USP34: variants seen among roughly 807,000 people sequenced by gnomAD.
USP34 encodes ubiquitin specific peptidase 34.
In USP34, 70 loss-of-function variants were observed where a neutral mutation model predicts 460.3. The ratio of observed to expected loss-of-function variants is 0.15; its 90% confidence interval spans 0.13 to 0.19. USP34 has a LOEUF of 0.19. Ranked by LOEUF, USP34 falls within the 10% of genes least tolerant of loss-of-function variation. The pLI is 1.00. For missense variants in USP34, 3,985 were observed against 4,236.2 expected (o/e 0.94, Z 1.65); for synonymous variants, 1,647 against 1,405.3 (o/e 1.17, Z -3.85).
chr2:61,223,378 T>G (rs1054115672), intron 62 of USP34, 82 bp from the exon 63 acceptor site: 2 of 1,345,714 alleles, frequency 1.5e-6, no homozygotes, highest in Non-Finnish European at 2.1e-6. Flanking sequence ...TCAAAAATTG[T>G]TGATTCAATT....
At chr2:61,367,330 A>G (rs1040891448) in intron 10 of USP34, among the ~76,000 whole-genome samples, 7 of 129,020 alleles carry the variant, frequency 5.4e-5, no homozygotes, top group East Asian at 2.2e-4. Context: ...ACGCGCGCGC[A>G]CACACACAAA....
At position 61,319,538 on chromosome 2, in the gene USP34, T is replaced by TA. The variant is rs11361640; in HGVS notation, c.3014-212dup. Among the ~76,000 whole-genome samples, 691 of 146,654 alleles carry TA rather than the reference T, an allele frequency of 4.7e-3. 3 individuals are homozygous for TA. The highest frequency in any genetic ancestry group is 0.037 in the East Asian group (187 of 5,062). On this transcript the variant is annotated intron_variant, in intron 21 of 79. Coordinates refer to ENST00000398571, the MANE Select transcript of USP34 (RefSeq NM_014709.4). ...TATGTTCCTACAGCATATTTATGAT[T>TA]AAAAAAAAAAAAAAGAATCACAGCA...
intron 1 of USP34, among the ~76,000 whole-genome samples, chr2:61,457,733 C>G (rs533893695): frequency 5.3e-5 from 8 of 152,172 alleles, no homozygotes; most frequent in African/African-American, 1.9e-4. Context: ...TCATCATGAG[C>G]ACCTGTAGTC....
chr2:61,220,201 A>G, intron 67 of USP34, 109 bp downstream of exon 67: 1 of 694,362 alleles, frequency 1.4e-6, no homozygotes. Context: ...CATCTCCAAG[A>G]ATTTCGTAGT....
intron 3 of USP34, among the ~76,000 whole-genome samples, chr2:61,396,119 AGTG>A (rs1342095005): frequency 6.6e-6 from 1 of 152,174 alleles, no homozygotes; most frequent in Non-Finnish European, 1.5e-5. Context: ...ATGATAGTTA[AGTG>A]GTTTTTGTTT....
chr2:61,194,311 G>GTT (rs1480567202), intron 75 of USP34: 2 of 985,144 alleles, frequency 2.0e-6, no homozygotes, highest in South Asian at 4.7e-5. Context: ...ACCCACCACG[G>GTT]TATCACCACA....
chr2:61,413,934 A>C (rs1694121962), intron 2 of USP34, among the ~76,000 whole-genome samples: 2 of 147,478 alleles, frequency 1.4e-5, no homozygotes, highest in Admixed American at 1.4e-4. Context: ...AGTCTCAAAA[A>C]AATTAAAAAA....
rs752937159 is a variant in USP34, at chr2:61,190,380, G to T, written c.9764C>A (p.Ala3255Asp). The T allele has an allele frequency of 4.3e-6, 7 of 1,611,406 alleles. No homozygotes were observed. In the South Asian group the frequency reaches 7.8e-5, roughly 18 times the overall value. Reference protein sequence around the residue: ...QSQVFSEANCANLISTLITNL... With the variant: ...QSQVFSEANCDNLISTLITNL... ...TGTAATAAGAGTGCTGATCAAATTG[G>T]CACAGTTTGCTTCAGAAAACACTTG... Residue 3255 changes from alanine to aspartate, a missense_variant, in exon 78 of 80, where the codon GCC (alanine) becomes GAC (aspartate). By Grantham distance (126) the Ala-to-Asp change is moderately radical. Coordinates refer to ENST00000398571, the MANE Select transcript of USP34 (RefSeq NM_014709.4).
At position 61,300,819 on chromosome 2, in the gene USP34, T is replaced by A. The variant is rs1158322409; in HGVS notation, c.4128+132A>T. ...TCAAAAAAAGAAAACAAAAAAAAAATGAACAAAAAAAAAAAAGGAGAGAAA... is the reference window on the plus strand; with the variant it reads ...TCAAAAAAAGAAAACAAAAAAAAAAAGAACAAAAAAAAAAAAGGAGAGAAA... On this transcript the variant is annotated intron_variant, in intron 29 of 79. Transcript: ENST00000398571. The A allele has an allele frequency of 1.8e-4, 110 of 612,728 alleles. No homozygotes were observed. The African/African-American group carries it at 2.0e-3, about 11-fold the overall frequency. 38.0% of individuals were successfully genotyped at this position (612,728 alleles called of 1,614,324 possible). A position where few individuals can be genotyped will look rare whatever the true frequency, so the allele number is the denominator to read the frequency against.
intron 10 of USP34, among the ~76,000 whole-genome samples, chr2:61,365,327 G>A (rs200945443): frequency 1.4e-3 from 193 of 140,012 alleles, no homozygotes; most frequent in African/African-American, 3.9e-3. Flanking sequence ...GTGTGTGTGT[G>A]TATATATGTA....
intron 5 of USP34, among the ~76,000 whole-genome samples, chr2:61,389,677 G>A (rs915065072): frequency 2.0e-5 from 3 of 151,926 alleles, no homozygotes; most frequent in African/African-American, 4.8e-5. Context: ...CACTACTATA[G>A]ATCCCAACAT....
At chr2:61,408,683 G>A (rs1693951768) in intron 2 of USP34, among the ~76,000 whole-genome samples, 1 of 151,488 alleles carries the variant, frequency 6.6e-6, no homozygotes. Context: ...ATCACTTAAG[G>A]TCAGGGGTTT....
intron 75 of USP34, among the ~76,000 whole-genome samples, chr2:61,194,958 A>T (rs1485669136): frequency 6.6e-6 from 1 of 151,768 alleles, no homozygotes; most frequent in East Asian, 1.9e-4. Flanking sequence ...TGTCAAAAAA[A>T]AAAAAAAAAA....
At chr2:61,310,922 A>G (rs1046033121) in intron 27 of USP34, among the ~76,000 whole-genome samples, 3 of 152,170 alleles carry the variant, frequency 2.0e-5, no homozygotes, top group East Asian at 3.8e-4. Flanking sequence ...GGTCACATCA[A>G]AAGTCTAAAA....
chr2:61,209,764 C>G (rs1348002031), intron 69 of USP34, among the ~76,000 whole-genome samples: 2 of 152,084 alleles, frequency 1.3e-5, no homozygotes, highest in African/African-American at 4.8e-5. Context: ...AGGAGGGATT[C>G]CAGAAGAAGG....
At chr2:61,206,342 T>C (rs1687116820) in intron 71 of USP34, among the ~76,000 whole-genome samples, 1 of 152,214 alleles carries the variant, frequency 6.6e-6, no homozygotes, top group Non-Finnish European at 1.5e-5. Context: ...TGTCCCACTT[T>C]CTAGGAATGT....
At chr2:61,439,979 G>A (rs1694920014) in intron 1 of USP34, among the ~76,000 whole-genome samples, 1 of 152,146 alleles carries the variant, frequency 6.6e-6, no homozygotes, top group Non-Finnish European at 1.5e-5. Flanking sequence ...CTAGCCTAGT[G>A]CAGGGACCAC....
At chr2:61,373,112 T>G (rs1048207546) in intron 8 of USP34, among the ~76,000 whole-genome samples, 16 of 152,192 alleles carry the variant, frequency 1.1e-4, no homozygotes, top group Non-Finnish European at 2.2e-4. Context: ...GTTAAATCAG[T>G]ATGAATGTCA....
chr2:61,446,845 T>G (rs1695134005), intron 1 of USP34, among the ~76,000 whole-genome samples: 1 of 151,724 alleles, frequency 6.6e-6, no homozygotes, highest in Admixed American at 6.6e-5. Flanking sequence ...TCTGAGTAGA[T>G]ACTTTGCCCA....
Sources: gnomAD v4.1 joint callset for allele counts (sites outside exome capture counted in the v4.1 genomes callset) on GRCh38, gnomAD v4.1.1 for gene constraint, MANE v1.5 for transcripts, NCBI Gene and HGNC (gene_info 2026-07-23, HGNC 2026-07-21) for gene names.